The following CFAP210 variants were observed in gnomAD, a reference collection of about 807,000 sequenced individuals.
The protein encoded by CFAP210 is cilia and flagella associated protein 210, also known as cilia- and flagella- associated protein 210.
the CFAP210 span, chr2:169,650,640 C>T: frequency 2.5e-6 from 3 of 1,201,430 alleles, no homozygotes; most frequent in Non-Finnish European, 3.3e-6. Context: ...ACAGGAGCCC[C>T]ATTGCTCCTT....
At chr2:169,675,723 A>T in the CFAP210 span, among the ~76,000 whole-genome samples, 1 of 152,172 alleles carries the variant, frequency 6.6e-6, no homozygotes, top group Non-Finnish European at 1.5e-5. Context: ...ACCCATCTGC[A>T]ATCTCCTCTC....
the CFAP210 span, among the ~76,000 whole-genome samples, chr2:169,655,864 T>C: frequency 6.6e-6 from 1 of 152,170 alleles, no homozygotes; most frequent in Non-Finnish European, 1.5e-5. Context: ...ATAGAAGACT[T>C]AGAATACAAA....
the CFAP210 span, among the ~76,000 whole-genome samples, chr2:169,668,839 T>C: frequency 5.3e-5 from 8 of 152,278 alleles, no homozygotes; most frequent in South Asian, 4.1e-4. Flanking sequence ...TACAGTAATA[T>C]TGAGGAATTT....
the CFAP210 span, chr2:169,661,201 T>G: frequency 1.7e-6 from 1 of 576,822 alleles, no homozygotes; most frequent in Middle Eastern, 5.4e-4. Context: ...CTCTTGCAAC[T>G]TCTCATCTGC....
At chr2:169,678,810 G>A in the CFAP210 span, among the ~76,000 whole-genome samples, 1 of 151,932 alleles carries the variant, frequency 6.6e-6, no homozygotes, top group African/African-American at 2.4e-5. Context: ...AGGCGACAGA[G>A]TGAGACTCCA....
chr2:169,654,270 T>C, the CFAP210 span: 1 of 1,420,956 alleles, frequency 7.0e-7, no homozygotes, highest in Non-Finnish European at 9.4e-7. Context: ...TCTTTCAACA[T>C]ATCAGTAGCT....
the CFAP210 span, among the ~76,000 whole-genome samples, chr2:169,673,149 A>C: frequency 2.0e-5 from 3 of 152,318 alleles, no homozygotes; most frequent in East Asian, 5.8e-4. Context: ...TATGCCAAAG[A>C]AACAACGAAA....
chr2:169,677,463 A>G, the CFAP210 span, among the ~76,000 whole-genome samples: 1 of 152,228 alleles, frequency 6.6e-6, no homozygotes, highest in African/African-American at 2.4e-5. Context: ...GAACCTCGTG[A>G]TAATCTCAAT....
chr2:169,680,951 T>C, the CFAP210 span: 1 of 1,434,278 alleles, frequency 7.0e-7, no homozygotes, highest in South Asian at 1.2e-5. Flanking sequence ...ATAAGAGTAC[T>C]AAGAAACAAG....
At chr2:169,652,907 G>A in the CFAP210 span, among the ~76,000 whole-genome samples, 1 of 143,184 alleles carries the variant, frequency 7.0e-6, no homozygotes, top group Non-Finnish European at 1.5e-5. Flanking sequence ...GGCTGAGGCA[G>A]GAGAATGGCG....
the CFAP210 span, chr2:169,681,377 T>C: frequency 1.4e-6 from 1 of 717,062 alleles, no homozygotes; most frequent in Non-Finnish European, 2.4e-6. Flanking sequence ...ACAGCTATGA[T>C]TAAGTGAAAA....
chr2:169,664,026 T>TAAA, the CFAP210 span, among the ~76,000 whole-genome samples: 3 of 102,028 alleles, frequency 2.9e-5, no homozygotes, highest in African/African-American at 3.9e-5. Flanking sequence ...CCAACTCTAC[T>TAAA]AAAAAAAAAA....
the CFAP210 span, among the ~76,000 whole-genome samples, chr2:169,667,208 G>A: frequency 3.4e-5 from 5 of 146,832 alleles, no homozygotes; most frequent in South Asian, 4.3e-4. Context: ...GCGCAATCTC[G>A]GCTCACTGCA....
At chr2:169,651,408 T>A in the CFAP210 span, among the ~76,000 whole-genome samples, 1 of 151,688 alleles carries the variant, frequency 6.6e-6, no homozygotes. Context: ...GAAAAAAAAT[T>A]TTTTTTGAGA....
the CFAP210 span, chr2:169,649,224 A>G: frequency 6.2e-7 from 1 of 1,613,452 alleles, no homozygotes; most frequent in Admixed American, 1.7e-5. Flanking sequence ...GATGTTCTTT[A>G]TCAGCTTTGC....
chr2:169,670,183 A>G, the CFAP210 span, among the ~76,000 whole-genome samples: 6 of 152,196 alleles, frequency 3.9e-5, no homozygotes, highest in Non-Finnish European at 5.9e-5. Flanking sequence ...AAGAAAGAAG[A>G]CCTATACAGT....
chr2:169,654,052 T>C, the CFAP210 span: 2 of 1,590,432 alleles, frequency 1.3e-6, no homozygotes, highest in Non-Finnish European at 1.7e-6. Context: ...TAGTACTTTA[T>C]TATACACATT....
the CFAP210 span, among the ~76,000 whole-genome samples, chr2:169,670,065 T>C: frequency 6.6e-6 from 1 of 152,196 alleles, no homozygotes; most frequent in South Asian, 2.1e-4. Context: ...GACCATTTTT[T>C]CTTTTTTTGT....
the CFAP210 span, among the ~76,000 whole-genome samples, chr2:169,687,186 T>C: frequency 1.3e-5 from 2 of 152,264 alleles, no homozygotes; most frequent in East Asian, 3.9e-4. Context: ...CAAGTTGAGA[T>C]TTGGGTGGGG....
Sources: gnomAD v4.1 joint callset for allele counts (sites outside exome capture counted in the v4.1 genomes callset) on GRCh38, gnomAD v4.1.1 for gene constraint, MANE v1.5 for transcripts, NCBI Gene and HGNC (gene_info 2026-07-23, HGNC 2026-07-21) for gene names.